The following DMD variants were observed in gnomAD, a reference collection of about 807,000 sequenced individuals.
The protein encoded by DMD is mutant dystrophin.
A neutral mutation model predicts 330.1 loss-of-function variants in DMD; 63 were observed. The ratio of observed to expected loss-of-function variants is 0.19; its 90% CI spans 0.16 to 0.24. The LOEUF is 0.24. Among genes scored for constraint, DMD ranks in the 10% least tolerant of loss-of-function variants. The pLI is 1.00. For missense variants in DMD, 3,344 were observed against 2,684.1 expected (o/e 1.25, Z -5.43); for synonymous variants, 1,223 against 959.8 (o/e 1.27, Z -5.07).
intron 62 of DMD, among the ~76,000 whole-genome samples, chrX:31,281,029 C>G (rs1371717433): frequency 9.0e-6 from 1 of 111,365 alleles, no homozygotes; most frequent in Non-Finnish European, 1.9e-5. Context: ...CAGAATAAAA[C>G]AGGAAAAAAA....
rs779333026 is a variant in DMD at position 32,565,151 on chromosome X, T to G, written c.1992+551A>C. 2.7e-5 allele frequency among the ~76,000 whole-genome samples: 3 copies of G among 111,439 alleles called. No individual in the cohort carries two copies. In the East Asian group the frequency reaches 8.5e-4, roughly 32 times the overall value. ...ATGTTTTCATAATCTACAGCCCGTA[T>G]GTGTTAGTATAACTAAGCCACATTC... On this transcript the variant is annotated intron_variant, in intron 16 of 78. Coordinates refer to ENST00000357033, the MANE Select transcript of DMD (RefSeq NM_004006.3).
chrX:33,013,290 C>T (rs916415527), intron 2 of DMD, among the ~76,000 whole-genome samples: 2 of 111,274 alleles, frequency 1.8e-5, no homozygotes, highest in African/African-American at 6.5e-5. Context: ...ATATAATTTT[C>T]AGTAGGATTA....
chrX:32,786,086 A>AGTGTGTGTGTGTGTGTGTGTGTGT (rs368269067), intron 7 of DMD, among the ~76,000 whole-genome samples: 7 of 96,548 alleles, frequency 7.3e-5, no homozygotes, highest in African/African-American at 2.7e-4. Flanking sequence ...GAGGAATAAG[A>AGTGTGTGTGTGTGTGTGTGTGTGT]GTGTGTGTGT....
At chrX:32,637,005 AG>A (rs1168344783) in intron 11 of DMD, among the ~76,000 whole-genome samples, 1 of 110,649 alleles carries the variant, frequency 9.0e-6, no homozygotes, top group African/African-American at 3.3e-5. Flanking sequence ...CAAAAAAAAA[AG>A]AAAAAGAAAA....
chrX:32,778,499 T>A (rs1271419644), intron 7 of DMD, among the ~76,000 whole-genome samples: 1 of 111,656 alleles, frequency 9.0e-6, no homozygotes, highest in African/African-American at 3.3e-5. Flanking sequence ...AAAATCTTAA[T>A]GGCTTAAAAC....
chrX:32,015,167 C>T lies in DMD; in HGVS notation c.6439-46653G>A, dbSNP rs145060197. 7.8e-3 allele frequency among the ~76,000 whole-genome samples: 870 copies of T among 111,823 alleles called. 4 individuals carry two copies. Among genetic ancestry groups the T allele is most frequent in the African/African-American group, 0.026 (806 of 30,751 alleles). Reference sequence around the variant, plus strand: ...TAGATGTGATCTGGGCCCGGAATAGCTCAACTGTCTCCCCAGGTGATTCAG... The same window carrying T: ...TAGATGTGATCTGGGCCCGGAATAGTTCAACTGTCTCCCCAGGTGATTCAG... On this transcript the variant is annotated intron_variant, in intron 44 of 78. Transcript: ENST00000357033.
At chrX:32,721,661 T>G (rs1364146024) in intron 7 of DMD, among the ~76,000 whole-genome samples, 1 of 111,262 alleles carries the variant, frequency 9.0e-6, no homozygotes, top group Non-Finnish European at 1.9e-5. Context: ...GCTGTGTTTT[T>G]CTTTTGCTTT....
At chrX:33,029,109 C>A (rs2094058036) in intron 1 of DMD, among the ~76,000 whole-genome samples, 1 of 111,483 alleles carries the variant, frequency 9.0e-6, no homozygotes, top group East Asian at 2.8e-4. Context: ...AAGTCCTAGA[C>A]CAATGCTTTC....
chrX:31,128,302 G>A (rs1250378112), intron 77 of DMD, among the ~76,000 whole-genome samples: 2 of 111,747 alleles, frequency 1.8e-5, no homozygotes, highest in South Asian at 3.8e-4. Context: ...GCCCTGTACC[G>A]TATATACACA....
chrX:32,652,709 T>C (rs767300407), intron 9 of DMD, among the ~76,000 whole-genome samples: 1 of 111,536 alleles, frequency 9.0e-6, no homozygotes, highest in African/African-American at 3.3e-5. Context: ...AAATGGTATT[T>C]CTAGTTCTAG....
At chrX:31,957,207 G>GCCC (rs1473588360) in intron 45 of DMD, among the ~76,000 whole-genome samples, 1 of 111,309 alleles carries the variant, frequency 9.0e-6, no homozygotes, top group African/African-American at 3.3e-5. Flanking sequence ...ATTTTGAGCT[G>GCCC]GTTTTCTATC....
intron 4 of DMD, among the ~76,000 whole-genome samples, chrX:32,826,582 G>A (rs1004220183): frequency 1.8e-5 from 2 of 111,520 alleles, no homozygotes; most frequent in African/African-American, 3.3e-5. Flanking sequence ...TACGTCAAAT[G>A]ACATAAGCCA....
intron 30 of DMD, among the ~76,000 whole-genome samples, chrX:32,391,565 A>T: frequency 8.9e-6 from 1 of 112,405 alleles, no homozygotes; most frequent in African/African-American, 3.2e-5. Context: ...GCCTTAAAAC[A>T]AATGAGAGCA....
intron 1 of DMD, among the ~76,000 whole-genome samples, chrX:33,329,589 C>A (rs1354250896): frequency 1.8e-5 from 2 of 111,576 alleles, no homozygotes; most frequent in Non-Finnish European, 3.8e-5. Flanking sequence ...AATTATGGGA[C>A]CACAACTACA....
intron 12 of DMD, among the ~76,000 whole-genome samples, chrX:32,607,112 C>A (rs756970818): frequency 1.8e-5 from 2 of 110,011 alleles, no homozygotes; most frequent in African/African-American, 6.6e-5. Context: ...ATGTAACAAA[C>A]CTGCACATGC....
At chrX:31,514,968 T>G (rs1301742006) in intron 55 of DMD, among the ~76,000 whole-genome samples, 2 of 110,698 alleles carry the variant, frequency 1.8e-5, no homozygotes, top group Non-Finnish European at 3.8e-5. Context: ...TTAAACCAAG[T>G]AGAATAAAGT....
At chrX:33,258,466 C>A (rs1384388510) in intron 1 of DMD, among the ~76,000 whole-genome samples, 1 of 111,474 alleles carries the variant, frequency 9.0e-6, no homozygotes, top group East Asian at 2.8e-4. Context: ...TGAAACAAGA[C>A]AAACAACGTA....
intron 44 of DMD, among the ~76,000 whole-genome samples, chrX:32,096,145 A>AATAC (rs765657454): frequency 0.011 from 1,233 of 111,767 alleles, 20 homozygotes; most frequent in African/African-American, 0.038. Context: ...TCCCCTACCA[A>AATAC]ATACATTTCC....
intron 1 of DMD, among the ~76,000 whole-genome samples, chrX:33,137,866 T>C (rs761675996): frequency 8.9e-6 from 1 of 112,015 alleles, no homozygotes; most frequent in Non-Finnish European, 1.9e-5. Context: ...AATTCCTATA[T>C]ATTAATGAAT....
Sources: allele counts gnomAD v4.1 joint callset (sites outside exome capture counted in the v4.1 genomes callset), GRCh38; gene constraint gnomAD v4.1.1; transcripts MANE v1.5; gene names NCBI Gene and HGNC (gene_info 2026-07-23, HGNC 2026-07-21).